Variants in RFX3 observed in about 807,000 individuals in gnomAD.
The protein encoded by RFX3 is transcription factor RFX3.
Under a neutral mutation model 98.6 loss-of-function variants are expected in RFX3, and 14 were observed. The ratio of observed to expected loss-of-function variants is 0.14; its 90% CI spans 0.09 to 0.22. RFX3 has a LOEUF of 0.22. Ranked by LOEUF, RFX3 falls within the 10% of genes least tolerant of loss-of-function variation. RFX3 has a pLI of 1.00. For synonymous variants in RFX3, 383 were observed against 328.4 expected, an observed-to-expected ratio of 1.17 and a Z score of -1.80; for missense variants, 639 against 926.9, an observed-to-expected ratio of 0.69 and a Z score of 4.03.
intron 14 of RFX3, among the ~76,000 whole-genome samples, chr9:3,251,652 C>G (rs1331603326): frequency 1.3e-5 from 2 of 151,640 alleles, no homozygotes; most frequent in Non-Finnish European, 2.9e-5. Context: ...ACCACATTTT[C>G]TAATGTGAGC....
At chr9:3,387,107 C>T (rs183312810) in intron 2 of RFX3, among the ~76,000 whole-genome samples, 3 of 152,284 alleles carry the variant, frequency 2.0e-5, no homozygotes, top group Admixed American at 6.5e-5. Context: ...TGAATTCCAA[C>T]TTTTCCTTCA....
chr9:3,246,019 T>G (rs191990060), intron 15 of RFX3, among the ~76,000 whole-genome samples: 1 of 152,186 alleles, frequency 6.6e-6, no homozygotes, highest in Non-Finnish European at 1.5e-5. Flanking sequence ...TATGATAGTA[T>G]GACCATGGCC....
chr9:3,494,468 C>T (rs1345641230), intron 1 of RFX3, among the ~76,000 whole-genome samples: 1 of 152,078 alleles, frequency 6.6e-6, no homozygotes, highest in Non-Finnish European at 1.5e-5. Context: ...GGTGTGTATA[C>T]TTCTGGAATG....
chr9:3,295,120 T>A (rs1206603629), intron 5 of RFX3, among the ~76,000 whole-genome samples: 1 of 152,068 alleles, frequency 6.6e-6, no homozygotes, highest in Non-Finnish European at 1.5e-5. Flanking sequence ...TCATTTAGTA[T>A]AAAAGAGATA....
At chr9:3,492,622 G>A (rs572463982) in intron 1 of RFX3, among the ~76,000 whole-genome samples, 1 of 152,288 alleles carries the variant, frequency 6.6e-6, no homozygotes, top group African/African-American at 2.4e-5. Context: ...GCAAGGGGTG[G>A]GGCAACATTG....
intron 2 of RFX3, among the ~76,000 whole-genome samples, chr9:3,369,832 G>GT (rs1837603656): frequency 6.6e-6 from 1 of 151,730 alleles, no homozygotes; most frequent in Non-Finnish European, 1.5e-5. Context: ...TTTTTGTTTT[G>GT]TTTGTTTGTT....
chr9:3,277,368 G>C lies in RFX3; in HGVS notation c.945C>G (p.Ala315=), dbSNP rs908526568. ...AAAACTGTTGATGATGTTGGCTTTG[G>C]GCAATTACAGTTTGCTCAACAGATG... The part of the protein sequence containing the change: ...TGTSVEQTVI[A]QSQHHQQFLD... The change falls in exon 8 of 17, where the codon GCC becomes GCG. Residue 315 remains alanine (A), a synonymous_variant. Transcript: ENST00000617270. 1.2e-6 allele frequency: 2 copies of C among 1,612,590 alleles called. No homozygotes were observed. Among genetic ancestry groups the C allele is most frequent in the Admixed American group, 3.3e-5 (2 of 59,922 alleles).
intron 15 of RFX3, among the ~76,000 whole-genome samples, chr9:3,241,423 A>T (rs1819909396): frequency 6.6e-6 from 1 of 152,090 alleles, no homozygotes; most frequent in African/African-American, 2.4e-5. Context: ...GAGAGGTTAT[A>T]GCCCAGAGCC....
At chr9:3,277,573 G>C in intron 7 of RFX3, 112 bp from the exon 8 acceptor site, 1 of 854,728 alleles carries the variant, frequency 1.2e-6, no homozygotes, top group Admixed American at 2.8e-5. Flanking sequence ...AACGTCTCAT[G>C]ATAGTTGTAG....
chr9:3,498,608 G>T (rs1252580352), intron 1 of RFX3, among the ~76,000 whole-genome samples: 1 of 151,874 alleles, frequency 6.6e-6, no homozygotes, highest in Non-Finnish European at 1.5e-5. Flanking sequence ...GTTATTTTGG[G>T]TATATTATTT....
intron 4 of RFX3, among the ~76,000 whole-genome samples, chr9:3,328,281 ATC>A (rs1416676085): frequency 6.6e-6 from 1 of 152,132 alleles, no homozygotes; most frequent in African/African-American, 2.4e-5. Context: ...ACCATTTTCT[ATC>A]TCTTTTCTTT....
chr9:3,479,826 C>A (rs977854314), intron 1 of RFX3, among the ~76,000 whole-genome samples: 3 of 152,186 alleles, frequency 2.0e-5, no homozygotes, highest in South Asian at 2.1e-4. Context: ...ACTTAGGAGG[C>A]AACCCTATCT....
At chr9:3,369,339 G>T (rs1295265176) in intron 2 of RFX3, among the ~76,000 whole-genome samples, 2 of 152,132 alleles carry the variant, frequency 1.3e-5, no homozygotes, top group Non-Finnish European at 2.9e-5. Context: ...TCTCTAGGTT[G>T]TCTTTTGTAA....
intron 2 of RFX3, among the ~76,000 whole-genome samples, chr9:3,395,073 T>C (rs999437855): frequency 1.3e-5 from 2 of 152,246 alleles, no homozygotes; most frequent in Non-Finnish European, 2.9e-5. Flanking sequence ...GCATGCATCC[T>C]ATTAAGTACT....
intron 2 of RFX3, among the ~76,000 whole-genome samples, chr9:3,378,877 G>C (rs1838859330): frequency 6.6e-6 from 1 of 152,008 alleles, no homozygotes; most frequent in East Asian, 1.9e-4. Context: ...ATTCTAGTAA[G>C]TCTTGTTGCA....
intron 1 of RFX3, among the ~76,000 whole-genome samples, chr9:3,481,400 T>C (rs937492722): frequency 6.6e-6 from 1 of 152,062 alleles, no homozygotes; most frequent in African/African-American, 2.4e-5. Context: ...ATTAAAACTG[T>C]AATCATAGCA....
chr9:3,287,562 C>T (rs1475338127), intron 7 of RFX3, among the ~76,000 whole-genome samples: 1 of 151,944 alleles, frequency 6.6e-6, no homozygotes, highest in Non-Finnish European at 1.5e-5. Flanking sequence ...ACTAGACTGA[C>T]ATATTTTTCA....
chr9:3,239,768 G>A (rs557093256), intron 15 of RFX3, among the ~76,000 whole-genome samples: 2 of 152,340 alleles, frequency 1.3e-5, no homozygotes, highest in East Asian at 3.9e-4. Flanking sequence ...TCCATTGCCA[G>A]TCCCTTTCCT....
chr9:3,381,289 G>A lies in RFX3; in HGVS notation c.117+14183C>T, dbSNP rs890335438. On this transcript the variant is annotated intron_variant, in intron 2 of 16. Transcript: ENST00000617270. ...TAGAATAATTATGTTATTAATGGTCGTAAACAGGACTGTAATCGATGATCT... is the reference window on the plus strand; with the variant it reads ...TAGAATAATTATGTTATTAATGGTCATAAACAGGACTGTAATCGATGATCT... Among the ~76,000 whole-genome samples the A allele has an allele frequency of 6.6e-5, 10 of 152,002 alleles. No homozygotes were observed. In the East Asian group the frequency reaches 7.7e-4, roughly 12 times the overall value.
Sources: gnomAD v4.1 joint callset for allele counts (sites outside exome capture counted in the v4.1 genomes callset) on GRCh38, gnomAD v4.1.1 for gene constraint, MANE v1.5 for transcripts, NCBI Gene and HGNC (gene_info 2026-07-23, HGNC 2026-07-21) for gene names.